TMEM108: variants seen among roughly 807,000 people sequenced by gnomAD.
TMEM108 encodes the protein cancer/testis antigen 124.
TMEM108 carries 12 observed loss-of-function variants against 35.1 expected under a neutral mutation model. The observed-to-expected ratio is 0.34, with a 90% CI of 0.22 to 0.55. TMEM108 has a LOEUF of 0.55. TMEM108 is among the 20% of genes least tolerant of loss of function. The pLI, the probability that TMEM108 is intolerant of heterozygous loss-of-function variation, is 0.89. For synonymous variants in TMEM108, 287 were observed against 308.6 expected (o/e 0.93, Z 0.73); for missense variants, 680 against 753.3 (o/e 0.90, Z 1.14).
intron 2 of TMEM108, among the ~76,000 whole-genome samples, chr3:133,144,014 G>A (rs1222371111): frequency 2.0e-5 from 3 of 148,510 alleles, no homozygotes; most frequent in Non-Finnish European, 4.4e-5. Flanking sequence ...GGGTACATGT[G>A]CAGAACGTGC....
intron 3 of TMEM108, among the ~76,000 whole-genome samples, chr3:133,361,017 C>T (rs996587021): frequency 6.6e-6 from 1 of 152,218 alleles, no homozygotes; most frequent in African/African-American, 2.4e-5. Context: ...CCACCTGGAT[C>T]CTTTGTTCCT....
chr3:133,339,441 C>T (rs1394571654), intron 3 of TMEM108, among the ~76,000 whole-genome samples: 2 of 151,818 alleles, frequency 1.3e-5, no homozygotes, highest in East Asian at 3.8e-4. Context: ...AACACTGGAG[C>T]ACCCAGATAT....
chr3:133,167,136 C>G (rs2107785848), intron 2 of TMEM108, among the ~76,000 whole-genome samples: 1 of 152,344 alleles, frequency 6.6e-6, no homozygotes, highest in Non-Finnish European at 1.5e-5. Context: ...CAAGTCCCCA[C>G]TAGATTAGCT....
intron 3 of TMEM108, chr3:133,248,218 A>T (rs539598334): frequency 6.6e-6 from 1 of 152,082 alleles, no homozygotes; most frequent in Non-Finnish European, 1.5e-5. Context: ...TTTGTACTTT[A>T]TGGTGTTTTC....
chr3:133,182,778 G>A (rs188502673), intron 2 of TMEM108, among the ~76,000 whole-genome samples: 1 of 152,160 alleles, frequency 6.6e-6, no homozygotes, highest in African/African-American at 2.4e-5. Flanking sequence ...TAGCACCCAG[G>A]TCAAAATATG....
intron 3 of TMEM108, among the ~76,000 whole-genome samples, chr3:133,297,542 G>T (rs373765236): frequency 2.6e-5 from 4 of 152,122 alleles, no homozygotes; most frequent in African/African-American, 7.2e-5. Context: ...ACCTGGGGGT[G>T]GGGGGAGACT....
chr3:133,158,357 A>G (rs1015093223), intron 2 of TMEM108, among the ~76,000 whole-genome samples: 2 of 149,624 alleles, frequency 1.3e-5, no homozygotes, highest in Non-Finnish European at 3.0e-5. Flanking sequence ...AGTTGCAGCT[A>G]TTTGAGAGGC....
At chr3:133,134,586 GT>G (rs1295273953) in intron 2 of TMEM108, among the ~76,000 whole-genome samples, 4 of 150,758 alleles carry the variant, frequency 2.7e-5, no homozygotes, top group African/African-American at 4.9e-5. Context: ...GCTGTCTCTT[GT>G]TTTTTTTTAA....
intron 2 of TMEM108, among the ~76,000 whole-genome samples, chr3:133,186,917 T>G (rs991017017): frequency 6.6e-5 from 10 of 152,286 alleles, no homozygotes; most frequent in Admixed American, 6.5e-4. Context: ...TTCTGTCATA[T>G]GAAACACACT....
Position 133,380,380 on chromosome 3 carries a change from C to T in TMEM108, c.669C>T (p.Asn223=). 2 of 1,613,848 alleles carry T rather than the reference C, an allele frequency of 1.2e-6. No individual in the cohort carries two copies. Among genetic ancestry groups the T allele is most frequent in the East Asian group, 2.2e-5 (1 of 44,858 alleles). Residue 223 remains asparagine (N), a synonymous_variant, in exon 4 of 6, where the codon AAC becomes AAT. Coordinates refer to ENST00000321871, the MANE Select transcript of TMEM108 (RefSeq NM_023943.4). The surrounding 1 kb of genome is among the most constrained non-coding windows in gnomAD (Gnocchi z 5.3). ...LGKIFQIYKG[N]FTGSVEPEPS... ...AAATCTTTCAGATCTACAAGGGCAA[C>T]TTCACAGGGTCTGTGGAACCGGAGC...
At chr3:133,096,747 A>T (rs1944020287) in intron 2 of TMEM108, among the ~76,000 whole-genome samples, 1 of 152,232 alleles carries the variant, frequency 6.6e-6, no homozygotes, top group Admixed American at 6.5e-5. Flanking sequence ...TCTGTGGATT[A>T]TGTTTCTCAT....
chr3:133,165,304 C>A (rs1576355208), intron 2 of TMEM108, among the ~76,000 whole-genome samples: 2 of 152,174 alleles, frequency 1.3e-5, no homozygotes, highest in Admixed American at 6.5e-5. Flanking sequence ...TAAAAGGCAG[C>A]TCTTGAGATC....
At chr3:133,388,959 TC>T in intron 4 of TMEM108, 3 of 985,448 alleles carry the variant, frequency 3.0e-6, no homozygotes, top group Non-Finnish European at 3.6e-6. Flanking sequence ...GGACCCCGAC[TC>T]CCCAGCACAG....
At chr3:133,345,786 G>A (rs1451980542) in intron 3 of TMEM108, among the ~76,000 whole-genome samples, 1 of 151,900 alleles carries the variant, frequency 6.6e-6, no homozygotes, top group Admixed American at 6.6e-5. Context: ...CCAGTGACAG[G>A]TGATGGAGAT....
chr3:133,246,968 T>A (rs976419949), intron 3 of TMEM108: 1 of 152,208 alleles, frequency 6.6e-6, no homozygotes, highest in Non-Finnish European at 1.5e-5. Context: ...CTAACTTAAT[T>A]ACCAAGTGAC....
chr3:133,380,570 G>T lies in TMEM108; in HGVS notation c.859G>T (p.Gly287Cys), dbSNP rs1313906817. The T allele has an allele frequency of 3.1e-6, 5 of 1,612,668 alleles. No homozygotes were observed. The highest frequency in any genetic ancestry group is 4.2e-6 in the Non-Finnish European group (5 of 1,179,090). Residue 287 changes from glycine (G) to cysteine (C), a missense_variant, in exon 4 of 6, where the codon GGT becomes TGT. Coordinates refer to ENST00000321871, the MANE Select transcript of TMEM108 (RefSeq NM_023943.4). This position sits in a 1 kb window ranked among gnomAD's most constrained non-coding sequence, Gnocchi z 5.3. Reference sequence around the variant, plus strand: ...AGGCCTTCGCAGAGCAGCCCAGGGGGGTGGTTCTACCTTCACCAGCCAAGG... The same window carrying T: ...AGGCCTTCGCAGAGCAGCCCAGGGGTGTGGTTCTACCTTCACCAGCCAAGG... ...KPGLRRAAQG[G>C]GSTFTSQGGT...
chr3:133,249,441 G>A (rs766022549), intron 3 of TMEM108, among the ~76,000 whole-genome samples: 20 of 152,146 alleles, frequency 1.3e-4, no homozygotes, highest in Non-Finnish European at 1.9e-4. Flanking sequence ...GATGTAAACC[G>A]ATGTTTTACT....
intron 2 of TMEM108, among the ~76,000 whole-genome samples, chr3:133,215,982 G>T (rs1057328988): frequency 2.6e-5 from 4 of 151,928 alleles, no homozygotes; most frequent in African/African-American, 7.3e-5. Context: ...GCCTACTCGT[G>T]TGCCAATATC....
intron 3 of TMEM108, among the ~76,000 whole-genome samples, chr3:133,375,415 C>G (rs1043000649): frequency 6.6e-6 from 1 of 152,318 alleles, no homozygotes; most frequent in South Asian, 2.1e-4. Context: ...GCATGTGAAG[C>G]TAGGTTTTAG....
Sources: gnomAD v4.1 joint callset for allele counts (sites outside exome capture counted in the v4.1 genomes callset) on GRCh38, gnomAD v4.1.1 for gene constraint, Gnocchi (gnomAD v3.1) non-coding constraint, MANE v1.5 for transcripts, NCBI Gene and HGNC (gene_info 2026-07-23, HGNC 2026-07-21) for gene names.